Variants in RGS12 observed in about 807,000 individuals in gnomAD.
RGS12 encodes the protein regulator of G-protein signaling 12.
In RGS12, 66 loss-of-function variants were observed where a neutral mutation model predicts 120.1. That is an observed-to-expected ratio of 0.55 (90% CI 0.45 to 0.67). The LOEUF is 0.67. Among genes scored for constraint, RGS12 ranks in the 30% least tolerant of loss-of-function variants. The pLI is 0.00. For missense variants in RGS12, 1,859 were observed against 1,957.7 expected, an observed-to-expected ratio of 0.95 and a Z score of 0.95; for synonymous variants, 827 against 804.7, an observed-to-expected ratio of 1.03 and a Z score of -0.47.
intron 16 of RGS12, among the ~76,000 whole-genome samples, chr4:3,429,438 A>G (rs185015830): frequency 1.1e-3 from 163 of 152,318 alleles, no homozygotes; most frequent in African/African-American, 3.7e-3. Flanking sequence ...TCACGGTAAA[A>G]CTAAAACACA....
intron 3 of RGS12, among the ~76,000 whole-genome samples, chr4:3,380,723 C>T (rs1053199404): frequency 1.3e-5 from 2 of 152,186 alleles, no homozygotes; most frequent in Non-Finnish European, 2.9e-5. Context: ...GGAGCTGAAG[C>T]AGCTGGGATT....
chr4:3,408,536 G>T (rs1721396362), intron 4 of RGS12, among the ~76,000 whole-genome samples: 1 of 152,170 alleles, frequency 6.6e-6, no homozygotes, highest in South Asian at 2.1e-4. Context: ...AAGAATTCCG[G>T]GTGGACGTTT....
At chr4:3,373,319 G>A (rs557028982) in intron 3 of RGS12, among the ~76,000 whole-genome samples, 6 of 152,302 alleles carry the variant, frequency 3.9e-5, no homozygotes, top group African/African-American at 1.2e-4. Context: ...CAGCCCCTGC[G>A]GGACCAGGTT....
chr4:3,330,407 A>G (rs1182566608), intron 2 of RGS12, among the ~76,000 whole-genome samples: 1 of 152,202 alleles, frequency 6.6e-6, no homozygotes, highest in Non-Finnish European at 1.5e-5. Context: ...GGGTAACCCC[A>G]GTTAAAGTGA....
At chr4:3,408,564 G>A (rs1721400697) in intron 4 of RGS12, among the ~76,000 whole-genome samples, 1 of 152,200 alleles carries the variant, frequency 6.6e-6, no homozygotes, top group Non-Finnish European at 1.5e-5. Flanking sequence ...GCCAGTTTTT[G>A]AAAAACGTGT....
rs141086817 is a variant in RGS12, at chr4:3,297,656, A to C, written c.-102+4557A>C. On this transcript the variant is annotated intron_variant, in intron 1 of 17. Coordinates refer to ENST00000336727, the MANE Select transcript of RGS12 (RefSeq NM_001394154.1). ...GCATCTTCTAGTCACCCACCTATCA[A>C]AATGGTTTGTTTTTCATTGCATCCA... 2.0e-3 allele frequency among the ~76,000 whole-genome samples: 312 copies of C among 152,228 alleles called. 1 individual carries two copies. Among genetic ancestry groups the C allele is most frequent in the African/African-American group, 7.3e-3 (305 of 41,538 alleles).
chr4:3,413,224 T>C lies in RGS12; in HGVS notation c.2021-848T>C, dbSNP rs1224660280. Reference sequence around the variant, plus strand: ...GCGCCCCCACACTGCTCGCATCCAGTGGACAAGGGTGATGAACGGGGATTT... The same window carrying C: ...GCGCCCCCACACTGCTCGCATCCAGCGGACAAGGGTGATGAACGGGGATTT... On this transcript the variant is annotated intron_variant, in intron 4 of 17. Coordinates refer to ENST00000336727, the MANE Select transcript of RGS12 (RefSeq NM_001394154.1). 2.0e-5 allele frequency: 3 copies of C among 151,844 alleles called. No individual in the cohort carries two copies. In the East Asian group the frequency reaches 5.8e-4, roughly 29 times the overall value. 9.4% of individuals were successfully genotyped at this position (151,844 alleles called of 1,614,324 possible).
chr4:3,308,207 C>T (rs912144943), intron 1 of RGS12, among the ~76,000 whole-genome samples: 6 of 152,236 alleles, frequency 3.9e-5, no homozygotes, highest in Non-Finnish European at 8.8e-5. Flanking sequence ...CTCCCAACGC[C>T]TGCAGCACCC....
At chr4:3,326,067 C>G (rs1273825068) in intron 2 of RGS12, among the ~76,000 whole-genome samples, 1 of 152,122 alleles carries the variant, frequency 6.6e-6, no homozygotes, top group Non-Finnish European at 1.5e-5. Flanking sequence ...CAACATCATA[C>G]CAAAAGGGGA....
chr4:3,359,909 C>T (rs112450367), intron 3 of RGS12, among the ~76,000 whole-genome samples: 4,613 of 152,214 alleles, frequency 0.03, 213 homozygotes, highest in African/African-American at 0.099. Context: ...AGGCATGAGC[C>T]ACCGTGCCTA....
In RGS12 at chr4:3,294,963, A is replaced by G. The variant is rs2110344190; in HGVS notation, c.-102+1864A>G. The stretch of plus-strand genomic sequence containing the variant: ...GGCAGGGGTGGCGCGGCCTGAGGGC[A>G]TGTCCTGGGGAGGGTCAGGAGGTGG... On this transcript the variant is annotated intron_variant, in intron 1 of 17. Transcript: ENST00000336727. Among the ~76,000 whole-genome samples, 3 of 152,216 alleles carry G rather than the reference A, an allele frequency of 2.0e-5. No individual in the cohort carries two copies. The South Asian group carries it at 6.2e-4, about 32-fold the overall frequency.
At chr4:3,357,067 T>C (rs1714964516) in intron 3 of RGS12, among the ~76,000 whole-genome samples, 2 of 152,224 alleles carry the variant, frequency 1.3e-5, no homozygotes, top group Admixed American at 1.3e-4. Context: ...TTTTTGATAG[T>C]AGTCATCCTA....
intron 17 of RGS12, among the ~76,000 whole-genome samples, chr4:3,434,822 G>A (rs1724656616): frequency 1.3e-5 from 2 of 152,360 alleles, no homozygotes; most frequent in Middle Eastern, 6.8e-3. Flanking sequence ...CCCGGGAGCT[G>A]GGTGGTCTCA....
chr4:3,317,009 G>T lies in RGS12; in HGVS notation c.839G>T (p.Cys280Phe). The change falls in exon 2 of 18, where the codon TGT (cysteine) becomes TTT (phenylalanine). Residue 280 changes from cysteine (C) to phenylalanine (F), a missense_variant. By Grantham distance (205) the Cys-to-Phe change is radical. Around this residue, in one of 3 missense-constraint regions of RGS12, gnomAD observed 967 missense variants for 994.2 expected, o/e 0.97. Transcript: ENST00000336727. ...GTGACCATGAAGATCATGCACGACT[G>T]TGTGCAGCTGAGCACTGACAAGGCT... ...SLVTMKIMHD[C>F]VQLSTDKAGV... 1 of 1,613,746 alleles carries T rather than the reference G, an allele frequency of 6.2e-7. No individual in the cohort carries two copies. The highest frequency in any genetic ancestry group is 1.1e-5 in the South Asian group (1 of 91,084).
In RGS12 at chr4:3,428,079, C is replaced by G; in HGVS notation, c.3332-11C>G. The G allele has an allele frequency of 6.2e-7, 1 of 1,612,010 alleles. No homozygotes were observed. On this transcript the variant is annotated splice_polypyrimidine_tract_variant and intron_variant, in intron 14 of 17. Coordinates refer to ENST00000336727, the MANE Select transcript of RGS12 (RefSeq NM_001394154.1). ...CGAGTCCCTGAAGTCATAAAGCTTT[C>G]TTATGTTTAGCATCCGCAGATAAAC...
intron 17 of RGS12, chr4:3,431,876 T>C: frequency 3.0e-6 from 3 of 985,544 alleles, no homozygotes; most frequent in Non-Finnish European, 3.6e-6. Flanking sequence ...AGGTTTGGTC[T>C]TGTCAGACCT....
Position 3,421,077 on chromosome 4 carries a change from C to T in RGS12, c.2838+359C>T, listed in dbSNP as rs76291352. Reference sequence around the variant, plus strand: ...ATCAACAGAAGGTGTCGAAATCAGGCGCTCCCTGTCTCAGCGCGTGAGCAT... The same window carrying T: ...ATCAACAGAAGGTGTCGAAATCAGGTGCTCCCTGTCTCAGCGCGTGAGCAT... On this transcript the variant is annotated intron_variant, in intron 10 of 17. Coordinates refer to ENST00000336727, the MANE Select transcript of RGS12 (RefSeq NM_001394154.1). 2.5e-3 allele frequency among the ~76,000 whole-genome samples: 374 copies of T among 152,308 alleles called. 1 individual carries two copies. Among genetic ancestry groups the T allele is most frequent in the Middle Eastern group, 0.014 (4 of 294 alleles).
rs987330968 is a variant in RGS12, at chr4:3,430,898, A to G, written c.4057A>G (p.Ser1353Gly). 5.6e-6 allele frequency: 9 copies of G among 1,612,670 alleles called. No homozygotes were observed. Among genetic ancestry groups the G allele is most frequent in the Non-Finnish European group, 7.6e-6 (9 of 1,179,940 alleles). The change falls in exon 17 of 18, where the codon AGC becomes GGC. Residue 1353 changes from serine (S) to glycine (G), a missense_variant. By Grantham distance (56) the Ser-to-Gly change is moderately conservative (BLOSUM62 0). Coordinates refer to ENST00000336727, the MANE Select transcript of RGS12 (RefSeq NM_001394154.1). ...MGEGDISSPN[S>G]TLLPPPSTPQ... is the part of the protein sequence containing the mutation. Reference sequence around the variant, plus strand: ...GGAGGGGGACATCAGCAGCCCCAACAGCACCTTGCTGCCGCCGCCCTCCAC... The same window carrying G: ...GGAGGGGGACATCAGCAGCCCCAACGGCACCTTGCTGCCGCCGCCCTCCAC...
At position 3,375,278 on chromosome 4, in the gene RGS12, C is replaced by T. The variant is rs1433451483; in HGVS notation, c.1999-11138C>T. On this transcript the variant is annotated intron_variant, in intron 3 of 17. Coordinates refer to ENST00000336727, the MANE Select transcript of RGS12 (RefSeq NM_001394154.1). Reference sequence around the variant, plus strand: ...CATCTCCAGCCCTCATCTCCAGCCTCATCTCCAGCCCTCATCTCCAGCCCT... The same window carrying T: ...CATCTCCAGCCCTCATCTCCAGCCTTATCTCCAGCCCTCATCTCCAGCCCT... Among the ~76,000 whole-genome samples, 5 of 146,856 alleles carry T rather than the reference C, an allele frequency of 3.4e-5. No homozygotes were observed. The East Asian group carries it at 1.0e-3, about 30-fold the overall frequency.
Sources: gnomAD v4.1 joint callset for allele counts (sites outside exome capture counted in the v4.1 genomes callset) on GRCh38, gnomAD v4.1.1 for gene constraint, gnomAD v4.1.1 regional missense constraint, MANE v1.5 for transcripts, NCBI Gene and HGNC (gene_info 2026-07-23, HGNC 2026-07-21) for gene names.